The following MDFIC2 variants were observed in gnomAD, a reference collection of about 807,000 sequenced individuals.
The protein encoded by MDFIC2 is MyoD family inhibitor domain containing 2, also known as myoD family inhibitor domain-containing protein 2.
chr3:70,235,727 C>A (rs1198456791), intron 2 of MDFIC2, among the ~76,000 whole-genome samples: 1 of 152,198 alleles, frequency 6.6e-6, no homozygotes, highest in African/African-American at 2.4e-5. Context: ...GCATTCAAAT[C>A]AGGCCATTGA....
At chr3:70,198,044 T>C (rs1701198325) in intron 3 of MDFIC2, among the ~76,000 whole-genome samples, 1 of 152,198 alleles carries the variant, frequency 6.6e-6, no homozygotes, top group Non-Finnish European at 1.5e-5. Flanking sequence ...GCAGTTCTCT[T>C]GTTAAAATTT....
At chr3:70,276,394 G>T (rs1241820766) in intron 2 of MDFIC2, among the ~76,000 whole-genome samples, 1 of 152,082 alleles carries the variant, frequency 6.6e-6, no homozygotes, top group Admixed American at 6.5e-5. Flanking sequence ...ATTGTCTTGT[G>T]ATTATAAGTA....
chr3:70,262,907 C>T (rs892367954), intron 2 of MDFIC2, among the ~76,000 whole-genome samples: 17 of 152,084 alleles, frequency 1.1e-4, no homozygotes, highest in Non-Finnish European at 2.4e-4. Context: ...CTGTGTTTTG[C>T]TTTGGATAGT....
rs117136186 is a variant in MDFIC2 at position 70,230,753 on chromosome 3, C to T, written c.89-23963G>A. On this transcript the variant is annotated intron_variant, in intron 2 of 3. Coordinates refer to ENST00000567252, the MANE Select transcript of MDFIC2 (RefSeq NM_001364677.1). ...GAAGAATTCATCCCATGCCTTCACC[C>T]TCCTTGAGTTTTAAAGGCAATGCTT... Among the ~76,000 whole-genome samples, 31 of 152,304 alleles carry T rather than the reference C, an allele frequency of 2.0e-4. No individual in the cohort carries two copies. The East Asian group carries it at 2.9e-3, about 14-fold the overall frequency.
intron 2 of MDFIC2, among the ~76,000 whole-genome samples, chr3:70,290,763 TGC>T (rs1226142209): frequency 1.3e-5 from 2 of 152,102 alleles, no homozygotes; most frequent in African/African-American, 4.8e-5. Context: ...AATCTCGTGG[TGC>T]GCCGTTTTTT....
intron 2 of MDFIC2, among the ~76,000 whole-genome samples, chr3:70,265,036 T>C (rs1701903259): frequency 6.6e-6 from 1 of 152,156 alleles, no homozygotes; most frequent in Non-Finnish European, 1.5e-5. Flanking sequence ...AACCATCAGA[T>C]ATCGTGAGAC....
At chr3:70,265,993 G>C (rs1315293590) in intron 2 of MDFIC2, among the ~76,000 whole-genome samples, 1 of 152,134 alleles carries the variant, frequency 6.6e-6, no homozygotes, top group Non-Finnish European at 1.5e-5. Flanking sequence ...TTCAACATGA[G>C]ATTTAGGTTG....
At chr3:70,258,529 G>C (rs961699358) in intron 2 of MDFIC2, among the ~76,000 whole-genome samples, 2 of 152,120 alleles carry the variant, frequency 1.3e-5, no homozygotes, top group African/African-American at 4.8e-5. Flanking sequence ...TGAGCTAGTA[G>C]AGTCTCATTT....
chr3:70,266,923 G>A (rs1701921307), intron 2 of MDFIC2, among the ~76,000 whole-genome samples: 1 of 152,220 alleles, frequency 6.6e-6, no homozygotes, highest in African/African-American at 2.4e-5. Context: ...GCCTGGCAAT[G>A]GGATTAGATT....
chr3:70,250,335 T>A (rs1031048657), intron 2 of MDFIC2, among the ~76,000 whole-genome samples: 1 of 152,160 alleles, frequency 6.6e-6, no homozygotes, highest in South Asian at 2.1e-4. Context: ...CAGCGACATT[T>A]TTTAGGTAAT....
At chr3:70,239,476 C>A (rs1233257190) in intron 2 of MDFIC2, among the ~76,000 whole-genome samples, 1 of 152,064 alleles carries the variant, frequency 6.6e-6, no homozygotes, top group East Asian at 1.9e-4. Flanking sequence ...TCTTGAAGTT[C>A]ATGGTTTGAT....
chr3:70,197,897 A>G (rs1701197398), intron 3 of MDFIC2, among the ~76,000 whole-genome samples: 2 of 152,188 alleles, frequency 1.3e-5, no homozygotes. Context: ...TTAAAAATTT[A>G]CTACACAGGC....
intron 2 of MDFIC2, among the ~76,000 whole-genome samples, chr3:70,235,154 CTTTGCATGAGGGG>C (rs1163255312): frequency 6.6e-6 from 1 of 152,118 alleles, no homozygotes; most frequent in Non-Finnish European, 1.5e-5. Context: ...AAAGGTGAAC[CTTTGCATGAGGGG>C]TTTACATCCC....
At chr3:70,297,661 G>A (rs1357728883) in intron 2 of MDFIC2, among the ~76,000 whole-genome samples, 3 of 152,010 alleles carry the variant, frequency 2.0e-5, no homozygotes, top group Non-Finnish European at 4.4e-5. Flanking sequence ...CCTCCCTTAT[G>A]TAAAACGAGG....
At chr3:70,232,926 C>T (rs879317307) in intron 2 of MDFIC2, among the ~76,000 whole-genome samples, 1 of 152,082 alleles carries the variant, frequency 6.6e-6, no homozygotes, top group Non-Finnish European at 1.5e-5. Flanking sequence ...TGGGGGTTCA[C>T]ACCGGTAATC....
intron 2 of MDFIC2, among the ~76,000 whole-genome samples, chr3:70,290,259 T>C (rs1461596735): frequency 6.6e-6 from 1 of 152,190 alleles, no homozygotes; most frequent in African/African-American, 2.4e-5. Flanking sequence ...CCTTTCTGTT[T>C]GTTAGTTTTC....
chr3:70,253,618 G>A (rs545312847), intron 2 of MDFIC2, among the ~76,000 whole-genome samples: 14 of 152,310 alleles, frequency 9.2e-5, no homozygotes, highest in African/African-American at 2.9e-4. Flanking sequence ...AGCTAGTCAA[G>A]AGGCTAAGGC....
intron 2 of MDFIC2, among the ~76,000 whole-genome samples, chr3:70,285,444 A>G (rs1378703844): frequency 2.0e-5 from 3 of 151,944 alleles, no homozygotes; most frequent in Admixed American, 2.0e-4. Flanking sequence ...CATTTTCTTA[A>G]TCCAGTCTAT....
intron 2 of MDFIC2, among the ~76,000 whole-genome samples, chr3:70,222,085 T>G: frequency 6.6e-6 from 1 of 152,114 alleles, no homozygotes. Flanking sequence ...CACCCACCCT[T>G]TATCCTTTAG....
Sources: allele counts gnomAD v4.1 joint callset (sites outside exome capture counted in the v4.1 genomes callset), GRCh38; gene constraint gnomAD v4.1.1; transcripts MANE v1.5; gene names NCBI Gene and HGNC (gene_info 2026-07-23, HGNC 2026-07-21).